The following CNTN4 variants were observed in gnomAD, a reference collection of about 807,000 sequenced individuals.
The protein encoded by CNTN4 is contactin 4.
CNTN4 carries 77 observed loss-of-function variants against 122.5 expected under a neutral mutation model. That is an observed-to-expected ratio of 0.63 (90% CI 0.52 to 0.76). The LOEUF is 0.76. Among genes scored for constraint, CNTN4 ranks in the 30% least tolerant of loss-of-function variants. CNTN4 has a pLI of 0.00. For synonymous variants in CNTN4, 512 were observed against 447.0 expected (o/e 1.15, Z -1.83); for missense variants, 1,256 against 1,259.1 (o/e 1.00, Z 0.04).
intron 2 of CNTN4, among the ~76,000 whole-genome samples, chr3:2,250,927 G>T (rs1353614251): frequency 6.6e-6 from 1 of 151,720 alleles, no homozygotes; most frequent in African/African-American, 2.4e-5. Context: ...TCATTTTAAA[G>T]GAATAATTAG....
At chr3:2,783,801 A>G (rs2091702361) in intron 6 of CNTN4, among the ~76,000 whole-genome samples, 1 of 152,232 alleles carries the variant, frequency 6.6e-6, no homozygotes, top group African/African-American at 2.4e-5. Context: ...TGATCACTGC[A>G]GGCTAATTGC....
At chr3:2,138,076 T>C (rs1207738495) in intron 2 of CNTN4, among the ~76,000 whole-genome samples, 1 of 151,394 alleles carries the variant, frequency 6.6e-6, no homozygotes, top group Non-Finnish European at 1.5e-5. Flanking sequence ...CTTTTTTTTT[T>C]TTTTTTTCGA....
At chr3:2,426,091 C>G (rs2047820060) in intron 3 of CNTN4, among the ~76,000 whole-genome samples, 1 of 152,186 alleles carries the variant, frequency 6.6e-6, no homozygotes, top group Non-Finnish European at 1.5e-5. Context: ...CTGGCCAGAA[C>G]TTCCAACACT....
intron 3 of CNTN4, among the ~76,000 whole-genome samples, chr3:2,397,973 C>T (rs1220993748): frequency 3.9e-5 from 6 of 152,000 alleles, no homozygotes; most frequent in African/African-American, 1.4e-4. Context: ...TAAAAAATGG[C>T]TAAATATGAA....
chr3:2,211,733 C>T (rs2038628821), intron 2 of CNTN4, among the ~76,000 whole-genome samples: 1 of 152,004 alleles, frequency 6.6e-6, no homozygotes, highest in African/African-American at 2.4e-5. Context: ...AGCATTCTTC[C>T]ACATGGCCAG....
chr3:2,389,132 G>A, intron 3 of CNTN4, among the ~76,000 whole-genome samples: 1 of 152,036 alleles, frequency 6.6e-6, no homozygotes, highest in Non-Finnish European at 1.5e-5. Context: ...CTGCACTCCA[G>A]CCTGGGCGAC....
intron 4 of CNTN4, among the ~76,000 whole-genome samples, chr3:2,615,685 A>T (rs921156808): frequency 3.9e-5 from 6 of 152,188 alleles, no homozygotes; most frequent in Non-Finnish European, 5.9e-5. Context: ...GTAAATGTAT[A>T]GAGTTGTGCA....
intron 2 of CNTN4, among the ~76,000 whole-genome samples, chr3:2,117,324 T>C (rs76545736): frequency 0.013 from 1,994 of 152,322 alleles, 37 homozygotes; most frequent in African/African-American, 0.045. Context: ...GGGTGAGGTA[T>C]TGGGGAAAGG....
intron 3 of CNTN4, among the ~76,000 whole-genome samples, chr3:2,386,069 T>C (rs961057542): frequency 6.6e-6 from 1 of 152,098 alleles, no homozygotes; most frequent in Non-Finnish European, 1.5e-5. Context: ...CACAGTATAT[T>C]TGTTCATATA....
intron 2 of CNTN4, among the ~76,000 whole-genome samples, chr3:2,316,665 G>A (rs2043111063): frequency 6.6e-6 from 1 of 152,014 alleles, no homozygotes; most frequent in African/African-American, 2.4e-5. Flanking sequence ...TTAGTCTTTT[G>A]TCTTCATTTT....
intron 4 of CNTN4, among the ~76,000 whole-genome samples, chr3:2,734,395 G>A (rs1280186991): frequency 6.6e-6 from 1 of 152,098 alleles, no homozygotes; most frequent in African/African-American, 2.4e-5. Flanking sequence ...AAGAATCACT[G>A]GCCTAGTCTA....
At chr3:2,418,231 A>G (rs977288457) in intron 3 of CNTN4, among the ~76,000 whole-genome samples, 8 of 152,264 alleles carry the variant, frequency 5.3e-5, no homozygotes, top group Non-Finnish European at 8.8e-5. Context: ...GGCTGTGTGT[A>G]TAGGAGGGCA....
chr3:2,224,899 C>T (rs2039210405), intron 2 of CNTN4, among the ~76,000 whole-genome samples: 1 of 152,102 alleles, frequency 6.6e-6, no homozygotes, highest in African/African-American at 2.4e-5. Context: ...GCCTGTAATC[C>T]CAGCATTTTG....
intron 6 of CNTN4, among the ~76,000 whole-genome samples, chr3:2,817,146 C>T (rs752836013): frequency 2.0e-5 from 3 of 152,326 alleles, no homozygotes; most frequent in Admixed American, 1.3e-4. Context: ...CTCTAGTGTG[C>T]GTTTGCTATT....
intron 3 of CNTN4, among the ~76,000 whole-genome samples, chr3:2,553,056 G>A (rs2078579199): frequency 2.0e-5 from 3 of 152,244 alleles, no homozygotes; most frequent in Middle Eastern, 6.8e-3. Flanking sequence ...ATCAACTCAC[G>A]GTGATTCCAT....
intron 12 of CNTN4, among the ~76,000 whole-genome samples, chr3:2,921,248 G>A (rs1310268960): frequency 6.6e-6 from 1 of 152,170 alleles, no homozygotes; most frequent in African/African-American, 2.4e-5. Flanking sequence ...TGTCACCGAG[G>A]CTGGTCTTGA....
At chr3:2,549,355 T>A (rs1184599978) in intron 3 of CNTN4, among the ~76,000 whole-genome samples, 1 of 152,168 alleles carries the variant, frequency 6.6e-6, no homozygotes, top group Non-Finnish European at 1.5e-5. Flanking sequence ...ATAGCTCTTA[T>A]TATTTTGAGA....
intron 4 of CNTN4, among the ~76,000 whole-genome samples, chr3:2,642,434 G>C (rs1164377433): frequency 3.3e-5 from 5 of 152,072 alleles, no homozygotes; most frequent in South Asian, 2.1e-4. Flanking sequence ...ACAATACTTT[G>C]CATCATTCAG....
intron 6 of CNTN4, among the ~76,000 whole-genome samples, chr3:2,777,688 C>G (rs866006899): frequency 3.3e-5 from 5 of 152,182 alleles, no homozygotes; most frequent in Admixed American, 2.6e-4. Context: ...AGGTATCTCA[C>G]GCAAGATACC....
Sources: allele counts gnomAD v4.1 joint callset (sites outside exome capture counted in the v4.1 genomes callset), GRCh38; gene constraint gnomAD v4.1.1; transcripts MANE v1.5; gene names NCBI Gene and HGNC (gene_info 2026-07-23, HGNC 2026-07-21).